The following NECAP1 variants were observed in gnomAD, a reference collection of about 807,000 sequenced individuals.
The protein encoded by NECAP1 is adaptin ear-binding coat-associated protein 1.
A neutral mutation model predicts 33.4 loss-of-function variants in NECAP1; 13 were observed. That is an observed-to-expected ratio of 0.39 (90% CI 0.25 to 0.62). NECAP1 has a LOEUF of 0.62. NECAP1 is among the 20% of genes least tolerant of loss of function. NECAP1 has a pLI of 0.52. For synonymous variants in NECAP1, 109 were observed against 125.2 expected (o/e 0.87, Z 0.86); for missense variants, 272 against 347.4 (o/e 0.78, Z 1.73).
intron 3 of NECAP1, 77 bp from the exon 4 acceptor site, chr12:8,091,685 AACAGGCC>A: frequency 8.2e-7 from 1 of 1,217,616 alleles, no homozygotes; most frequent in Middle Eastern, 2.5e-4. Flanking sequence ...CCTGGTTTCT[AACAGGCC>A]ACAGACTGGT....
At chr12:8,088,217 C>T (rs1565643766) in intron 1 of NECAP1, among the ~76,000 whole-genome samples, 1 of 152,172 alleles carries the variant, frequency 6.6e-6, no homozygotes, top group East Asian at 1.9e-4. Context: ...GAACTCGTCT[C>T]ATATATTTTA....
intron 3 of NECAP1, chr12:8,091,516 A>C: frequency 2.0e-6 from 1 of 496,846 alleles, no homozygotes; most frequent in South Asian, 2.2e-5. Context: ...GATCCCTCAC[A>C]TGTGCAGTTC....
At position 8,091,772 on chromosome 12, in the gene NECAP1, G is replaced by T; in HGVS notation, c.305G>T (p.Arg102Leu). Residue 102 changes from arginine to leucine, a missense_variant, in exon 4 of 8, where the codon CGC (arginine) becomes CTC (leucine). Physicochemically the swap from Arg to Leu is moderately radical, Grantham distance 102. Coordinates refer to ENST00000339754, the MANE Select transcript of NECAP1 (RefSeq NM_015509.4). The stretch of plus-strand genomic sequence containing the variant: ...AGTCTTCCTACGTTTTCCACAGGGC[G>T]CAGTGCTTTCATTGGCATTGGCTTC... ...FVIRIQDGTG[R>L]SAFIGIGFTD... is the part of the protein sequence containing the mutation. 1 of 1,613,882 alleles carries T rather than the reference G, an allele frequency of 6.2e-7. No homozygotes were observed. The highest frequency in any genetic ancestry group is 8.5e-7 in the Non-Finnish European group (1 of 1,179,932).
chr12:8,085,074 C>T (rs904038426), intron 1 of NECAP1, among the ~76,000 whole-genome samples: 12 of 151,258 alleles, frequency 7.9e-5, no homozygotes, highest in African/African-American at 2.2e-4. Context: ...GGCTGGAGTG[C>T]GCTGGCGCAA....
At chr12:8,082,686 C>A (rs781099612) in intron 1 of NECAP1, 4 of 355,382 alleles carry the variant, frequency 1.1e-5, no homozygotes, top group Non-Finnish European at 2.1e-5. Context: ...CACTTTCAGT[C>A]GTGCTTGCTC....
chr12:8,091,698 C>T, intron 3 of NECAP1, 71 bp from the exon 4 acceptor site: 2 of 1,356,454 alleles, frequency 1.5e-6, no homozygotes, highest in Non-Finnish European at 2.1e-6. Flanking sequence ...AGGCCACAGA[C>T]TGGTGCCGGG....
Position 8,082,327 on chromosome 12 carries a change from G to T in NECAP1, c.39G>T (p.Val13=), listed in dbSNP as rs1947446999. 5 of 1,613,562 alleles carry T rather than the reference G, an allele frequency of 3.1e-6. No individual in the cohort carries two copies. Among genetic ancestry groups the T allele is most frequent in the African/African-American group, 1.3e-5 (1 of 74,932 alleles). Reference sequence around the variant, plus strand: ...TGGAGTACGAGTCTGTGCTGTGTGTGAAGCCAGACGTCAGCGTCTACCGGA... The same window carrying T: ...TGGAGTACGAGTCTGTGCTGTGTGTTAAGCCAGACGTCAGCGTCTACCGGA... ...TELEYESVLC[V]KPDVSVYRIP... is the part of the protein sequence containing the mutation. Residue 13 remains valine (V), a synonymous_variant, in exon 1 of 8, where the codon GTG becomes GTT. Transcript: ENST00000339754.
At chr12:8,089,859 A>G in intron 1 of NECAP1, 77 bp from the exon 2 acceptor site, 1 of 1,056,992 alleles carries the variant, frequency 9.5e-7, no homozygotes, top group Non-Finnish European at 1.5e-6. Flanking sequence ...AGGGAAATAG[A>G]AATACAGTCA....
At chr12:8,089,723 C>T in intron 1 of NECAP1, 1 of 518,176 alleles carries the variant, frequency 1.9e-6, no homozygotes, top group Non-Finnish European at 3.4e-6. Context: ...GCTTATTGGA[C>T]TCCAAAGTCC....
At chr12:8,095,127 G>A (rs1947582836) in intron 6 of NECAP1, among the ~76,000 whole-genome samples, 1 of 151,844 alleles carries the variant, frequency 6.6e-6, no homozygotes, top group Non-Finnish European at 1.5e-5. Context: ...TGTAACTATT[G>A]CCCATGGAAT....
At chr12:8,094,425 CTG>C (rs1212863048) in intron 6 of NECAP1, among the ~76,000 whole-genome samples, 5 of 152,228 alleles carry the variant, frequency 3.3e-5, no homozygotes, top group Admixed American at 3.3e-4. Flanking sequence ...ATGTTCTCAT[CTG>C]TGTATATTTG....
chr12:8,085,404 A>C (rs1448622584), intron 1 of NECAP1, among the ~76,000 whole-genome samples: 1 of 152,160 alleles, frequency 6.6e-6, no homozygotes, highest in African/African-American at 2.4e-5. Context: ...TACTTACATC[A>C]GTTAACTGCA....
At position 8,082,678 on chromosome 12, in the gene NECAP1, CT is replaced by C. The variant is rs752336112; in HGVS notation, c.95+298del. The stretch of plus-strand genomic sequence containing the variant: ...GCACCCATCTGCTCCCCATCATGCA[CT>C]TTCAGTCGTGCTTGCTCCATTGCCA... On this transcript the variant is annotated intron_variant, in intron 1 of 7. Coordinates refer to ENST00000339754, the MANE Select transcript of NECAP1 (RefSeq NM_015509.4). 23 of 387,280 alleles carry C rather than the reference CT, an allele frequency of 5.9e-5. No individual in the cohort carries two copies. The East Asian group carries it at 8.2e-4, about 14-fold the overall frequency. The allele number at this position is 387,280 out of a possible 1,614,324, so 24.0% of individuals were successfully genotyped here.
chr12:8,083,418 G>GTTTTT (rs1947460520), intron 1 of NECAP1, among the ~76,000 whole-genome samples: 1 of 72,422 alleles, frequency 1.4e-5, no homozygotes, highest in Non-Finnish European at 2.9e-5. Context: ...CTATTTGTTT[G>GTTTTT]TTCTTTTTTT....
intron 6 of NECAP1, 160 bp from the exon 7 acceptor site, chr12:8,095,441 G>T: frequency 2.3e-6 from 1 of 431,538 alleles, no homozygotes; most frequent in Non-Finnish European, 4.3e-6. Flanking sequence ...GTAGAGACGG[G>T]GTTTCACCTT....
intron 1 of NECAP1, among the ~76,000 whole-genome samples, chr12:8,084,486 G>C (rs1203140467): frequency 6.6e-6 from 1 of 151,668 alleles, no homozygotes; most frequent in Non-Finnish European, 1.5e-5. Flanking sequence ...GAATGTGCAG[G>C]TTTGTTACAT....
Position 8,095,450 on chromosome 12 carries a change from T to A in NECAP1, c.677-151T>A, listed in dbSNP as rs551816669. ...TTTTTAGTAGAGACGGGGTTTCACC[T>A]TGTTAGCCAGGATGGTCTCGATCTC... On this transcript the variant is annotated intron_variant, in intron 6 of 7. Coordinates refer to ENST00000339754, the MANE Select transcript of NECAP1 (RefSeq NM_015509.4). 264 of 454,024 alleles carry A rather than the reference T, an allele frequency of 5.8e-4. 3 individuals are homozygous for A. Among genetic ancestry groups the A allele is most frequent in the South Asian group, 2.4e-3 (117 of 49,044 alleles). The allele number at this position is 454,024 out of a possible 1,614,324, so 28.1% of individuals were successfully genotyped here. A position where few individuals can be genotyped will look rare whatever the true frequency, so the allele number is the denominator to read the frequency against.
chr12:8,092,295 G>A (rs1051417332), intron 4 of NECAP1: 5 of 257,020 alleles, frequency 1.9e-5, no homozygotes, highest in Non-Finnish European at 3.8e-5. Context: ...TCAAGAGCAA[G>A]CATATCTCTC....
At chr12:8,083,770 G>A (rs970016595) in intron 1 of NECAP1, among the ~76,000 whole-genome samples, 24 of 133,132 alleles carry the variant, frequency 1.8e-4, no homozygotes, top group African/African-American at 6.5e-4. Context: ...GCAGGGTCTC[G>A]TTCTATCATC....
Sources: allele counts gnomAD v4.1 joint callset (sites outside exome capture counted in the v4.1 genomes callset), GRCh38; gene constraint gnomAD v4.1.1; transcripts MANE v1.5; gene names NCBI Gene and HGNC (gene_info 2026-07-23, HGNC 2026-07-21).